PTPRE: variants seen among roughly 807,000 people sequenced by gnomAD.
The protein encoded by PTPRE is receptor-type tyrosine-protein phosphatase epsilon.
PTPRE carries 51 observed loss-of-function variants against 102.0 expected under a neutral mutation model. The ratio of observed to expected loss-of-function variants is 0.50; its 90% CI spans 0.40 to 0.63. The LOEUF (loss-of-function observed/expected upper bound fraction) is 0.63. Among genes scored for constraint, PTPRE ranks in the 30% least tolerant of loss-of-function variants. PTPRE has a pLI of 0.00. For synonymous variants in PTPRE, 345 were observed against 348.2 expected, an observed-to-expected ratio of 0.99 and a Z score of 0.10; for missense variants, 752 against 915.1, an observed-to-expected ratio of 0.82 and a Z score of 2.30.
At chr10:127,972,671 T>C (rs563767029) in intron 1 of PTPRE, among the ~76,000 whole-genome samples, 5 of 152,326 alleles carry the variant, frequency 3.3e-5, no homozygotes, top group Admixed American at 1.3e-4. Context: ...TCATGTGTAG[T>C]GGCCATTGAA....
chr10:128,010,415 C>G (rs1844881678), intron 2 of PTPRE, among the ~76,000 whole-genome samples: 5 of 152,146 alleles, frequency 3.3e-5, no homozygotes, highest in Admixed American at 2.6e-4. Context: ...TGCCGGGGCA[C>G]AGATCCCATC....
At chr10:127,969,272 G>A (rs1282790409) in intron 1 of PTPRE, among the ~76,000 whole-genome samples, 2 of 152,196 alleles carry the variant, frequency 1.3e-5, no homozygotes, top group East Asian at 3.9e-4. Context: ...GTGACAAAGG[G>A]AATCCTCCAT....
chr10:127,983,725 T>C (rs1851829114), intron 2 of PTPRE, among the ~76,000 whole-genome samples: 1 of 152,182 alleles, frequency 6.6e-6, no homozygotes, highest in South Asian at 2.1e-4. Flanking sequence ...TTTGCACCCC[T>C]TGTCTCTCCA....
chr10:128,072,547 G>C (rs1850864893), intron 16 of PTPRE: 1 of 193,530 alleles, frequency 5.2e-6, no homozygotes, highest in Non-Finnish European at 1.1e-5. Flanking sequence ...AGCTACTTGG[G>C]AAGCTGAGGC....
chr10:128,021,480 C>T (rs926995544), intron 2 of PTPRE, among the ~76,000 whole-genome samples: 3 of 152,218 alleles, frequency 2.0e-5, no homozygotes, highest in Non-Finnish European at 2.9e-5. Flanking sequence ...CCTCAGGTTG[C>T]CTTCAGCATC....
intron 1 of PTPRE, among the ~76,000 whole-genome samples, chr10:127,909,808 A>G (rs1430013877): frequency 6.6e-6 from 1 of 152,178 alleles, no homozygotes; most frequent in East Asian, 1.9e-4. Flanking sequence ...CTGATGGAGC[A>G]AGTGTGTGTC....
chr10:127,996,553 A>G (rs1249682718), intron 2 of PTPRE, among the ~76,000 whole-genome samples: 2 of 152,090 alleles, frequency 1.3e-5, no homozygotes, highest in Non-Finnish European at 2.9e-5. Flanking sequence ...CCCAGTTTTT[A>G]TGACTGTGGC....
chr10:127,933,057 G>A (rs1402368856), intron 1 of PTPRE, among the ~76,000 whole-genome samples: 3 of 152,186 alleles, frequency 2.0e-5, no homozygotes, highest in South Asian at 4.2e-4. Context: ...CCTGCTCCTC[G>A]TCTGCCTTTA....
intron 1 of PTPRE, among the ~76,000 whole-genome samples, chr10:127,937,690 C>A (rs1295213963): frequency 1.3e-5 from 2 of 152,106 alleles, no homozygotes; most frequent in African/African-American, 2.4e-5. Flanking sequence ...GAAACCCCAT[C>A]TCTACTAAAA....
chr10:128,047,912 C>A, intron 5 of PTPRE, 75 bp downstream of exon 5: 2 of 1,435,256 alleles, frequency 1.4e-6, no homozygotes, highest in African/African-American at 1.4e-5. Context: ...GTGCTTTCTG[C>A]CTTTAACGTT....
At chr10:128,042,567 C>G (rs1029410616) in intron 3 of PTPRE, among the ~76,000 whole-genome samples, 1 of 152,122 alleles carries the variant, frequency 6.6e-6, no homozygotes, top group Non-Finnish European at 1.5e-5. Flanking sequence ...AAATGGGCCT[C>G]GGGTTATAAG....
chr10:128,082,386 A>G (rs1851804486), intron 20 of PTPRE, among the ~76,000 whole-genome samples: 2 of 150,446 alleles, frequency 1.3e-5, no homozygotes, highest in African/African-American at 4.9e-5. Context: ...TAATTTTTGT[A>G]TCTTTTTTGA....
intron 2 of PTPRE, among the ~76,000 whole-genome samples, chr10:127,996,042 A>C (rs945443237): frequency 6.6e-6 from 1 of 152,210 alleles, no homozygotes; most frequent in Non-Finnish European, 1.5e-5. Flanking sequence ...AATTCATTTC[A>C]TGGACATCTT....
At chr10:127,937,719 C>T (rs375624555) in intron 1 of PTPRE, among the ~76,000 whole-genome samples, 16 of 152,188 alleles carry the variant, frequency 1.1e-4, no homozygotes, top group South Asian at 4.2e-4. Flanking sequence ...ATTAGATGGG[C>T]GTGGTGGCAC....
chr10:127,944,743 G>A lies in PTPRE; in HGVS notation c.-31+37434G>A, dbSNP rs1015846025. Among the ~76,000 whole-genome samples, 6 of 152,208 alleles carry A rather than the reference G, an allele frequency of 3.9e-5. No homozygotes were observed. Among genetic ancestry groups the A allele is most frequent in the Non-Finnish European group, 5.9e-5 (4 of 68,048 alleles). On this transcript the variant is annotated intron_variant, in intron 1 of 20. Transcript: ENST00000254667. The surrounding 1 kb of genome is among the most constrained non-coding windows in gnomAD (Gnocchi z 4.2). ...GGCTCCACGTGGATAGCAGGCTGGT[G>A]TAGGTACAAGACTGGAAGCAAGAGA...
chr10:127,921,390 G>A (rs1846591512), intron 1 of PTPRE, among the ~76,000 whole-genome samples: 1 of 152,184 alleles, frequency 6.6e-6, no homozygotes, highest in Non-Finnish European at 1.5e-5. Flanking sequence ...CCTATGTGTG[G>A]AAGCAGGGGC....
Position 128,068,252 on chromosome 10 carries a change from C to A in PTPRE, c.973C>A (p.Pro325Thr). Residue 325 changes from proline (P) to threonine (T), a missense_variant, in exon 12 of 21, where the codon CCC becomes ACC. Coordinates refer to ENST00000254667, the MANE Select transcript of PTPRE (RefSeq NM_006504.6). ...KFLKKVKTLN[P>T]VHAGPIVVHC... ...CCTCAAGAAAGTAAAGACGCTCAAC[C>A]CCGTGCACGCTGGGCCCATCGTGGT... 1.2e-6 allele frequency: 2 copies of A among 1,614,138 alleles called. No homozygotes were observed. Among genetic ancestry groups the A allele is most frequent in the African/African-American group, 1.3e-5 (1 of 75,066 alleles).
intron 1 of PTPRE, among the ~76,000 whole-genome samples, chr10:127,950,569 G>T (rs970690087): frequency 3.9e-5 from 6 of 152,256 alleles, no homozygotes; most frequent in African/African-American, 1.4e-4. Context: ...AGAGCTCCGC[G>T]ATTGCTCTTC....
At position 128,063,080 on chromosome 10, in the gene PTPRE, C is replaced by T. The variant is rs1849753919; in HGVS notation, c.626-3C>T. The T allele has an allele frequency of 6.2e-7, 1 of 1,614,232 alleles. No individual in the cohort carries two copies. Among genetic ancestry groups the T allele is most frequent in the East Asian group, 2.2e-5 (1 of 44,874 alleles). On this transcript the variant is annotated splice_region_variant and splice_polypyrimidine_tract_variant and intron_variant, in intron 9 of 20. Transcript: ENST00000254667. ...TGACTTCGAAATTGTCCTCTACACA[C>T]AGGTCCCAAACAGGAAACGGTTAAC...
Sources: gnomAD v4.1 joint callset for allele counts (sites outside exome capture counted in the v4.1 genomes callset) on GRCh38, gnomAD v4.1.1 for gene constraint, Gnocchi (gnomAD v3.1) non-coding constraint, MANE v1.5 for transcripts, NCBI Gene and HGNC (gene_info 2026-07-23, HGNC 2026-07-21) for gene names.